Variants in DOCK2 observed in about 807,000 individuals in gnomAD.
The protein encoded by DOCK2 is dedicator of cytokinesis protein 2.
Under a neutral mutation model 248.9 loss-of-function variants are expected in DOCK2, and 87 were observed. The observed-to-expected ratio is 0.35, with a 90% CI of 0.29 to 0.42. The LOEUF is 0.42. Ranked by LOEUF, DOCK2 falls within the 10% of genes least tolerant of loss-of-function variation. DOCK2 has a pLI of 1.00. For synonymous variants in DOCK2, 805 were observed against 821.6 expected (o/e 0.98, Z 0.35); for missense variants, 1,747 against 2,300.2 (o/e 0.76, Z 4.92).
chr5:169,880,384 A>G (rs903961155), intron 27 of DOCK2, among the ~76,000 whole-genome samples: 1 of 152,252 alleles, frequency 6.6e-6, no homozygotes, highest in Non-Finnish European at 1.5e-5. Flanking sequence ...AGAAGTTTTA[A>G]AAGAAGACAT....
chr5:169,934,741 CG>C (rs1775909747), intron 27 of DOCK2: 1 of 455,914 alleles, frequency 2.2e-6, no homozygotes, highest in Admixed American at 2.4e-5. Flanking sequence ...GGGCTGCTCA[CG>C]GGATCAGTGC....
chr5:169,910,718 G>A (rs1252168790), intron 27 of DOCK2, among the ~76,000 whole-genome samples: 1 of 152,224 alleles, frequency 6.6e-6, no homozygotes, highest in Non-Finnish European at 1.5e-5. Context: ...CAGAGAGGCA[G>A]TTTCTAATGG....
intron 2 of DOCK2, among the ~76,000 whole-genome samples, chr5:169,667,647 T>A (rs1758815691): frequency 6.6e-6 from 1 of 152,212 alleles, no homozygotes. Context: ...TGTGTGACCA[T>A]CAGCAAGCTG....
intron 30 of DOCK2, among the ~76,000 whole-genome samples, chr5:170,004,363 C>T (rs1409704254): frequency 1.3e-5 from 2 of 152,182 alleles, no homozygotes; most frequent in African/African-American, 4.8e-5. Context: ...TAATGATTGC[C>T]GTTCTAACTG....
intron 27 of DOCK2, among the ~76,000 whole-genome samples, chr5:169,919,670 T>G (rs1581416759): frequency 6.6e-6 from 1 of 152,326 alleles, no homozygotes; most frequent in East Asian, 1.9e-4. Flanking sequence ...CTTTGGTTTG[T>G]GTCATTGCCT....
At chr5:169,677,989 A>G (rs1759431693) in intron 6 of DOCK2, among the ~76,000 whole-genome samples, 1 of 152,192 alleles carries the variant, frequency 6.6e-6, no homozygotes, top group Non-Finnish European at 1.5e-5. Context: ...GACTGGTGCC[A>G]TCTTGACAGT....
At chr5:169,916,981 GGACT>G (rs1220156601) in intron 27 of DOCK2, among the ~76,000 whole-genome samples, 1 of 152,124 alleles carries the variant, frequency 6.6e-6, no homozygotes, top group Admixed American at 6.5e-5. Flanking sequence ...TCCAAATCCA[GGACT>G]GAATTCGTTC....
At chr5:170,020,953 G>A (rs1309110550) in intron 33 of DOCK2, among the ~76,000 whole-genome samples, 1 of 152,214 alleles carries the variant, frequency 6.6e-6, no homozygotes, top group African/African-American at 2.4e-5. Context: ...AAACAGATCT[G>A]TCATTTCTTA....
intron 25 of DOCK2, among the ~76,000 whole-genome samples, chr5:169,768,696 GA>G (rs1764922119): frequency 6.6e-6 from 1 of 152,218 alleles, no homozygotes; most frequent in African/African-American, 2.4e-5. Flanking sequence ...ATGTTGACAT[GA>G]GGCTCTGCTT....
chr5:169,671,206 A>C, intron 5 of DOCK2, 32 bp downstream of exon 5: 1 of 1,588,682 alleles, frequency 6.3e-7, no homozygotes, highest in Non-Finnish European at 8.6e-7. Context: ...CCTGAGTTGG[A>C]AGCTTCTTGC....
chr5:169,974,252 A>T (rs1310195243), intron 27 of DOCK2, among the ~76,000 whole-genome samples: 1 of 152,228 alleles, frequency 6.6e-6, no homozygotes, highest in African/African-American at 2.4e-5. Context: ...CATAAGATAA[A>T]GCTTACATAG....
At chr5:170,070,027 A>C (rs951352772) in intron 46 of DOCK2, among the ~76,000 whole-genome samples, 3 of 151,732 alleles carry the variant, frequency 2.0e-5, no homozygotes, top group Admixed American at 1.3e-4. Flanking sequence ...CTGCAGAAGC[A>C]ACAGTCGGCT....
At chr5:169,751,742 T>C (rs941865072) in intron 23 of DOCK2, among the ~76,000 whole-genome samples, 11 of 152,162 alleles carry the variant, frequency 7.2e-5, no homozygotes, top group East Asian at 1.9e-4. Flanking sequence ...CCACGGAGAA[T>C]TGAAAGCCAG....
chr5:169,855,046 C>A (rs1460840034), intron 27 of DOCK2, among the ~76,000 whole-genome samples: 1 of 152,106 alleles, frequency 6.6e-6, no homozygotes, highest in Non-Finnish European at 1.5e-5. Context: ...CTTGGCAGAC[C>A]CTCAAAGAAC....
intron 27 of DOCK2, among the ~76,000 whole-genome samples, chr5:169,913,789 A>T (rs1210069276): frequency 6.6e-6 from 1 of 152,198 alleles, no homozygotes; most frequent in Non-Finnish European, 1.5e-5. Flanking sequence ...TTGATCAATG[A>T]GGAATTAGAT....
intron 27 of DOCK2, among the ~76,000 whole-genome samples, chr5:169,963,818 C>T (rs748381115): frequency 2.6e-5 from 4 of 152,168 alleles, no homozygotes; most frequent in South Asian, 2.1e-4. Flanking sequence ...GAGCACCCAG[C>T]AGAGTCCCCG....
chr5:170,074,463 G>A (rs1366984261), intron 46 of DOCK2, among the ~76,000 whole-genome samples: 1 of 152,194 alleles, frequency 6.6e-6, no homozygotes, highest in East Asian at 1.9e-4. Context: ...CAACTGGGTA[G>A]CATTGCTGTG....
At position 169,689,257 on chromosome 5, in the gene DOCK2, A is replaced by G; in HGVS notation, c.767A>G (p.Asn256Ser). ...DPNKQTVISE[N>S]YLVRWGSRGF... ...TGCCACTCTTCTTCCCACAGTGAGA[A>G]CTACCTAGTGCGATGGGGCAGCCGG... Residue 256 changes from asparagine to serine, a missense_variant, in exon 9 of 52, where the codon AAC (asparagine) becomes AGC (serine). Around this residue, in one of 4 missense-constraint regions of DOCK2, gnomAD observed 375 missense variants for 510.9 expected, o/e 0.73. Transcript: ENST00000520908. 6.2e-7 allele frequency: 1 copy of G among 1,614,076 alleles called. No homozygotes were observed.
At chr5:169,893,479 C>CT (rs200833735) in intron 27 of DOCK2, among the ~76,000 whole-genome samples, 99,348 of 142,962 alleles carry the variant, frequency 0.69, 34,945 homozygotes, top group African/African-American at 0.8. Context: ...TTTTCTTACC[C>CT]TTTTTTTTTT....
Sources: allele counts gnomAD v4.1 joint callset (sites outside exome capture counted in the v4.1 genomes callset), GRCh38; gene constraint gnomAD v4.1.1; regional missense constraint gnomAD v4.1.1; transcripts MANE v1.5; gene names NCBI Gene and HGNC (gene_info 2026-07-23, HGNC 2026-07-21).